The following CNBD1 variants were observed in gnomAD, a reference collection of about 807,000 sequenced individuals.
CNBD1 encodes the protein cyclic nucleotide binding domain containing 1.
In CNBD1, 71 loss-of-function variants were observed where a neutral mutation model predicts 54.4. That is an observed-to-expected ratio of 1.30 (90% confidence interval 1.08 to 1.59). The LOEUF is 1.59. Ranked by LOEUF, CNBD1 falls within the 40% of genes most tolerant of loss-of-function variation. The probability of loss-of-function intolerance (pLI) is 0.00; values close to 1 mark genes in which losing one functional copy is unlikely to be tolerated. For synonymous variants in CNBD1, 182 were observed against 170.7 expected, an observed-to-expected ratio of 1.07 and a Z score of -0.51; for missense variants, 659 against 518.0, an observed-to-expected ratio of 1.27 and a Z score of -2.64.
intron 4 of CNBD1, among the ~76,000 whole-genome samples, chr8:87,112,894 G>A (rs1194155918): frequency 6.6e-6 from 1 of 152,140 alleles, no homozygotes; most frequent in Non-Finnish European, 1.5e-5. Flanking sequence ...GGGGCTTGAT[G>A]AAGGGATTCC....
chr8:86,874,197 G>C (rs926577014), intron 1 of CNBD1, among the ~76,000 whole-genome samples: 1 of 152,078 alleles, frequency 6.6e-6, no homozygotes, highest in Non-Finnish European at 1.5e-5. Context: ...GACTCTTTAG[G>C]ATCTTGCTGT....
intron 6 of CNBD1, among the ~76,000 whole-genome samples, chr8:87,251,034 A>G (rs1482116630): frequency 3.3e-5 from 5 of 152,154 alleles, no homozygotes; most frequent in African/African-American, 4.8e-5. Flanking sequence ...AGATACCCCA[A>G]TTACCCTTAT....
chr8:87,318,150 T>C (rs896648638), intron 8 of CNBD1, among the ~76,000 whole-genome samples: 1 of 151,548 alleles, frequency 6.6e-6, no homozygotes, highest in African/African-American at 2.4e-5. Context: ...TTTTATGTAA[T>C]TGTCTTCTGA....
intron 4 of CNBD1, among the ~76,000 whole-genome samples, chr8:86,979,426 AAAG>A (rs1471052939): frequency 4.1e-5 from 6 of 146,092 alleles, no homozygotes; most frequent in African/African-American, 1.3e-4. Context: ...AAAAAAAAAA[AAAG>A]GCAAAAACAA....
At chr8:87,304,647 AAAT>A (rs1563544909) in intron 8 of CNBD1, among the ~76,000 whole-genome samples, 1 of 152,088 alleles carries the variant, frequency 6.6e-6, no homozygotes, top group East Asian at 1.9e-4. Flanking sequence ...AAAAATAAAT[AAAT>A]AAATAAAAAT....
intron 1 of CNBD1, among the ~76,000 whole-genome samples, chr8:86,873,271 T>C (rs748774699): frequency 6.6e-6 from 1 of 151,740 alleles, no homozygotes; most frequent in Non-Finnish European, 1.5e-5. Flanking sequence ...CCGGCTAATT[T>C]TGTATTTTTA....
chr8:87,280,806 G>GA (rs896660512), intron 6 of CNBD1, among the ~76,000 whole-genome samples: 32 of 151,266 alleles, frequency 2.1e-4, no homozygotes, highest in African/African-American at 7.0e-4. Context: ...TATAGAAGTT[G>GA]AAAAAAAGCA....
At chr8:87,121,621 A>T (rs1471625126) in intron 4 of CNBD1, among the ~76,000 whole-genome samples, 1 of 151,620 alleles carries the variant, frequency 6.6e-6, no homozygotes, top group Non-Finnish European at 1.5e-5. Flanking sequence ...CCCCCCATTC[A>T]TCTAAAGCTT....
At chr8:86,882,260 T>A (rs796933149) in intron 1 of CNBD1, among the ~76,000 whole-genome samples, 1 of 151,780 alleles carries the variant, frequency 6.6e-6, no homozygotes, top group Admixed American at 6.6e-5. Context: ...GGGAGAAAAA[T>A]TTTGCAAACT....
At chr8:87,122,515 A>AT (rs1811910270) in intron 4 of CNBD1, among the ~76,000 whole-genome samples, 1 of 151,582 alleles carries the variant, frequency 6.6e-6, no homozygotes, top group African/African-American at 2.4e-5. Flanking sequence ...AATTATTTTT[A>AT]TTTTGTGCAG....
intron 4 of CNBD1, among the ~76,000 whole-genome samples, chr8:87,167,629 A>G (rs1373114610): frequency 1.3e-5 from 2 of 151,890 alleles, no homozygotes; most frequent in Non-Finnish European, 2.9e-5. Context: ...GGTTCTCGCA[A>G]GGTGGATTTA....
At chr8:87,298,223 T>G (rs1234791893) in intron 8 of CNBD1, among the ~76,000 whole-genome samples, 1 of 152,014 alleles carries the variant, frequency 6.6e-6, no homozygotes, top group Non-Finnish European at 1.5e-5. Context: ...CACTTGCAAA[T>G]AGACTATGCA....
At chr8:87,297,373 G>A (rs1218483339) in intron 8 of CNBD1, among the ~76,000 whole-genome samples, 2 of 151,824 alleles carry the variant, frequency 1.3e-5, no homozygotes, top group African/African-American at 4.8e-5. Flanking sequence ...CATTTTAAAT[G>A]CTCAATAGCT....
chr8:87,368,414 CTGTT>C (rs1352351056), intron 10 of CNBD1, among the ~76,000 whole-genome samples: 1 of 151,788 alleles, frequency 6.6e-6, no homozygotes, highest in East Asian at 2.0e-4. Context: ...AGTGAGAGGA[CTGTT>C]TGAGGCCAGG....
intron 4 of CNBD1, among the ~76,000 whole-genome samples, chr8:86,981,834 T>C (rs914826798): frequency 6.6e-6 from 1 of 152,218 alleles, no homozygotes; most frequent in Non-Finnish European, 1.5e-5. Flanking sequence ...GTTTCTAGTA[T>C]CTGACTATTG....
At chr8:87,212,374 A>C (rs1027116033) in intron 5 of CNBD1, among the ~76,000 whole-genome samples, 1 of 152,156 alleles carries the variant, frequency 6.6e-6, no homozygotes, top group East Asian at 1.9e-4. Context: ...TAAAATTCAT[A>C]TAGAAATTTA....
chr8:87,110,369 A>G (rs1212433196), intron 4 of CNBD1, among the ~76,000 whole-genome samples: 4 of 152,134 alleles, frequency 2.6e-5, no homozygotes, highest in African/African-American at 7.2e-5. Context: ...GCCTGCTACC[A>G]TACCCTTTCT....
chr8:87,335,260 G>T (rs375227979), intron 8 of CNBD1, among the ~76,000 whole-genome samples: 1 of 152,056 alleles, frequency 6.6e-6, no homozygotes, highest in Non-Finnish European at 1.5e-5. Flanking sequence ...GAATATCCTC[G>T]TTAATTTTCT....
chr8:87,224,935 A>G (rs1327016001), intron 5 of CNBD1, among the ~76,000 whole-genome samples: 4 of 151,970 alleles, frequency 2.6e-5, no homozygotes, highest in Non-Finnish European at 4.4e-5. Context: ...GTGGTTTGTA[A>G]TTCTCCTTGA....
Sources: gnomAD v4.1 joint callset for allele counts (sites outside exome capture counted in the v4.1 genomes callset) on GRCh38, gnomAD v4.1.1 for gene constraint, MANE v1.5 for transcripts, NCBI Gene and HGNC (gene_info 2026-07-23, HGNC 2026-07-21) for gene names.